ICE1: variants seen among roughly 807,000 people sequenced by gnomAD.
ICE1 encodes the protein little elongation complex subunit 1.
ICE1 carries 64 observed loss-of-function variants against 192.7 expected under a neutral mutation model. The ratio of observed to expected loss-of-function variants is 0.33; its 90% CI spans 0.27 to 0.41. The LOEUF is 0.41. Among genes scored for constraint, ICE1 ranks in the 10% least tolerant of loss-of-function variants. The pLI, the probability that ICE1 is intolerant of heterozygous loss-of-function variation, is 1.00. For synonymous variants in ICE1, 1,010 were observed against 984.5 expected (o/e 1.03, Z -0.49); for missense variants, 2,708 against 2,696.0 (o/e 1.00, Z -0.10).
At chr5:5,478,887 C>G (rs1739417122) in intron 17 of ICE1, among the ~76,000 whole-genome samples, 1 of 152,140 alleles carries the variant, frequency 6.6e-6, no homozygotes, top group South Asian at 2.1e-4. Flanking sequence ...GGAAAACTGG[C>G]TAGCCGTATG....
chr5:5,461,373 T>C lies in ICE1; in HGVS notation c.2039T>C (p.Leu680Ser), dbSNP rs1485153982. 1.2e-6 allele frequency: 2 copies of C among 1,613,900 alleles called. No homozygotes were observed. Among genetic ancestry groups the C allele is most frequent in the Non-Finnish European group, 8.5e-7 (1 of 1,179,832 alleles). Residue 680 changes from leucine to serine, a missense_variant, in exon 13 of 19, where the codon TTA (leucine) becomes TCA (serine). Leu to Ser is a moderately radical substitution (Grantham distance 145, BLOSUM62 -2). Coordinates refer to ENST00000296564, the MANE Select transcript of ICE1 (RefSeq NM_015325.3). ...GAACATAAATTGCAAACTAAAACTT[T>C]AAACACATTACATCTGCAGTCTGAG... Reference protein sequence around the residue: ...HSEHKLQTKTLNTLHLQSEPP... With the variant: ...HSEHKLQTKTSNTLHLQSEPP...
In ICE1 at chr5:5,422,797, C is replaced by G. The variant is rs1737345427; in HGVS notation, c.-119C>G. On this transcript the variant is annotated 5_prime_UTR_variant, in exon 1 of 19. Coordinates refer to ENST00000296564, the MANE Select transcript of ICE1 (RefSeq NM_015325.3). ...ACCTCTGTGCACGGATGGACCCGCC[C>G]GGACCTGGCGGGAAGCGGCCTGGCA... 4.5e-6 allele frequency: 3 copies of G among 660,068 alleles called. No individual in the cohort carries two copies. The highest frequency in any genetic ancestry group is 6.4e-6 in the Non-Finnish European group (3 of 471,362). 40.9% of individuals were successfully genotyped at this position (660,068 alleles called of 1,614,324 possible).
At position 5,465,022 on chromosome 5, in the gene ICE1, A is replaced by C; in HGVS notation, c.5688A>C (p.Ala1896=). The C allele has an allele frequency of 1.2e-6, 2 of 1,613,988 alleles. No individual in the cohort carries two copies. The highest frequency in any genetic ancestry group is 1.7e-6 in the Non-Finnish European group (2 of 1,179,876). Reference sequence around the variant, plus strand: ...GTTGTTCTAGTCCAGCCGTCAGTGCAGTTTCACAGTTGCCTTTAAGCCCAA... The same window carrying C: ...GTTGTTCTAGTCCAGCCGTCAGTGCCGTTTCACAGTTGCCTTTAAGCCCAA... The part of the protein sequence containing the change: ...ERSCSSPAVS[A]VSQLPLSPKE... Residue 1896 remains alanine (A), a synonymous_variant, in exon 13 of 19, where the codon GCA becomes GCC. Transcript: ENST00000296564.
Position 5,466,439 on chromosome 5 carries a change from A to G in ICE1, c.5998A>G (p.Ile2000Val). 1 of 1,613,496 alleles carries G rather than the reference A, an allele frequency of 6.2e-7. No homozygotes were observed. Among genetic ancestry groups the G allele is most frequent in the Non-Finnish European group, 8.5e-7 (1 of 1,179,738 alleles). The change falls in exon 14 of 19, where the codon ATT becomes GTT. Residue 2000 changes from isoleucine to valine, a missense_variant. Physicochemically the swap from Ile to Val is conservative, Grantham distance 29. This residue lies in a region of ICE1 where 342 missense variants were observed against 419.3 expected (regional missense o/e 0.82). Transcript: ENST00000296564. ...CGCCCTCTGCAGGGTGTATGTGGGT[A>G]TTTGTCGGCAACTCGGAGACTTGGA... ...IHALCRVYVGICRQLGDLERA... is the reference protein window; with the variant it reads ...IHALCRVYVGVCRQLGDLERA...
chr5:5,466,540 A>C (rs755386854), intron 14 of ICE1, 38 bp downstream of exon 14: 1 of 1,542,114 alleles, frequency 6.5e-7, no homozygotes, highest in Non-Finnish European at 8.8e-7. Flanking sequence ...TTGAAAATAT[A>C]CGATTGCCTT....
intron 15 of ICE1, 24 bp downstream of exon 15, chr5:5,469,012 C>G: frequency 6.9e-7 from 1 of 1,441,474 alleles, no homozygotes; most frequent in Non-Finnish European, 9.2e-7. Flanking sequence ...CTGTTTCTTA[C>G]AGTATCTTAC....
chr5:5,435,828 C>G (rs1276776654), intron 1 of ICE1, among the ~76,000 whole-genome samples: 1 of 151,876 alleles, frequency 6.6e-6, no homozygotes, highest in Non-Finnish European at 1.5e-5. Flanking sequence ...CACCAACACA[C>G]CTGGCTAAAT....
Position 5,460,740 on chromosome 5 carries a change from G to T in ICE1, c.1406G>T (p.Arg469Leu). The change falls in exon 13 of 19, where the codon CGA becomes CTA. Residue 469 changes from arginine to leucine, a missense_variant. Arg to Leu is a moderately radical substitution (Grantham distance 102). This residue lies in a region of ICE1 where 2,366 missense variants were observed against 2,276.6 expected (regional missense o/e 1.04). Transcript: ENST00000296564. Reference sequence around the variant, plus strand: ...GAAAAACACTGGACCACAGCATCTCGATCCATGAGTGATAGAAAAAGAGAC... The same window carrying T: ...GAAAAACACTGGACCACAGCATCTCTATCCATGAGTGATAGAAAAAGAGAC... Reference protein sequence around the residue: ...VGEKHWTTASRSMSDRKRDIL... With the variant: ...VGEKHWTTASLSMSDRKRDIL... 6.2e-7 allele frequency: 1 copy of T among 1,613,952 alleles called. No individual in the cohort carries two copies. Among genetic ancestry groups the T allele is most frequent in the Non-Finnish European group, 8.5e-7 (1 of 1,179,898 alleles).
chr5:5,434,002 A>G (rs1167074729), intron 1 of ICE1, among the ~76,000 whole-genome samples: 1 of 152,136 alleles, frequency 6.6e-6, no homozygotes, highest in African/African-American at 2.4e-5. Flanking sequence ...TAATGTTAAC[A>G]TAGTGTTCAA....
Position 5,447,770 on chromosome 5 carries a change from C to T in ICE1, c.547+10C>T, listed in dbSNP as rs1250514711. 1 of 1,581,026 alleles carries T rather than the reference C, an allele frequency of 6.3e-7. No individual in the cohort carries two copies. The highest frequency in any genetic ancestry group is 8.6e-7 in the Non-Finnish European group (1 of 1,161,116). On this transcript the variant is annotated intron_variant, in intron 9 of 18. Coordinates refer to ENST00000296564, the MANE Select transcript of ICE1 (RefSeq NM_015325.3). The stretch of plus-strand genomic sequence containing the variant: ...CAGAAAAATGAAAAGGGTGAGTATT[C>T]AGTTAATGCTTACATAAATTTATTT...
At chr5:5,451,161 C>CA (rs557239604) in intron 10 of ICE1, among the ~76,000 whole-genome samples, 1 of 152,122 alleles carries the variant, frequency 6.6e-6, no homozygotes, top group South Asian at 2.1e-4. Context: ...ATAAGACACA[C>CA]AAAAAACCTC....
chr5:5,433,194 TGCC>T (rs1390220008), intron 1 of ICE1, among the ~76,000 whole-genome samples: 5 of 152,162 alleles, frequency 3.3e-5, no homozygotes, highest in Non-Finnish European at 7.4e-5. Context: ...ATAGTACACC[TGCC>T]CCAAGGGTCC....
intron 1 of ICE1, among the ~76,000 whole-genome samples, chr5:5,427,111 A>C (rs1278972054): frequency 1.3e-5 from 2 of 152,142 alleles, no homozygotes; most frequent in African/African-American, 4.8e-5. Flanking sequence ...TTAGTTGTTG[A>C]AGAGATAACA....
Position 5,463,407 on chromosome 5 carries a change from G to A in ICE1, c.4073G>A (p.Gly1358Asp). The change falls in exon 13 of 19, where the codon GGT (glycine) becomes GAT (aspartate). Residue 1358 changes from glycine (G) to aspartate (D), a missense_variant. Gly to Asp is a moderately conservative substitution (Grantham distance 94, BLOSUM62 -1). Transcript: ENST00000296564. Reference protein sequence around the residue: ...ARSDAGRQTDGGEEDLPEPVE... With the variant: ...ARSDAGRQTDDGEEDLPEPVE... ...TCAGATGCAGGCAGGCAAACCGATG[G>A]TGGGGAAGAAGACCTGCCAGAACCT... 6.2e-7 allele frequency: 1 copy of A among 1,613,744 alleles called. No homozygotes were observed. The highest frequency in any genetic ancestry group is 8.5e-7 in the Non-Finnish European group (1 of 1,179,802).
chr5:5,459,931 C>G (rs1298911015), intron 12 of ICE1, among the ~76,000 whole-genome samples: 1 of 152,222 alleles, frequency 6.6e-6, no homozygotes, highest in Admixed American at 6.5e-5. Flanking sequence ...CTGCAGCACT[C>G]TGTGAGGACA....
intron 2 of ICE1, among the ~76,000 whole-genome samples, chr5:5,436,678 C>G (rs918430532): frequency 6.6e-6 from 1 of 152,062 alleles, no homozygotes; most frequent in African/African-American, 2.4e-5. Context: ...AAACAAAGCT[C>G]GTGGGTTAGT....
At chr5:5,485,211 C>T (rs929679618) in intron 17 of ICE1, among the ~76,000 whole-genome samples, 2 of 152,092 alleles carry the variant, frequency 1.3e-5, no homozygotes, top group African/African-American at 4.8e-5. Flanking sequence ...TAATTAAAAA[C>T]TCAGAAATTG....
chr5:5,480,249 CTTTT>C (rs574170460), intron 17 of ICE1, among the ~76,000 whole-genome samples: 1 of 129,916 alleles, frequency 7.7e-6, no homozygotes. Flanking sequence ...TTTTCTTTTT[CTTTT>C]TTTTTTTTTT....
At chr5:5,473,254 C>CT (rs993822168) in intron 15 of ICE1, among the ~76,000 whole-genome samples, 1 of 152,150 alleles carries the variant, frequency 6.6e-6, no homozygotes, top group African/African-American at 2.4e-5. Context: ...AGCTTTCTAA[C>CT]TTTAATTCTC....
Sources: allele counts gnomAD v4.1 joint callset (sites outside exome capture counted in the v4.1 genomes callset), GRCh38; gene constraint gnomAD v4.1.1; regional missense constraint gnomAD v4.1.1; transcripts MANE v1.5; gene names NCBI Gene and HGNC (gene_info 2026-07-23, HGNC 2026-07-21).